LNPEP: variants seen among roughly 807,000 people sequenced by gnomAD.
LNPEP encodes leucyl-cystinyl aminopeptidase.
In LNPEP, 64 loss-of-function variants were observed where a neutral mutation model predicts 120.6. The ratio of observed to expected loss-of-function variants is 0.53; its 90% confidence interval spans 0.43 to 0.65. LNPEP has a LOEUF of 0.65. Ranked by LOEUF, LNPEP falls within the 30% of genes least tolerant of loss-of-function variation. The pLI is 0.00. For missense variants in LNPEP, 1,057 were observed against 1,200.0 expected (o/e 0.88, Z 1.76); for synonymous variants, 435 against 425.4 (o/e 1.02, Z -0.28).
intron 4 of LNPEP, among the ~76,000 whole-genome samples, chr5:96,992,624 ACT>A (rs1790417579): frequency 6.6e-6 from 1 of 152,142 alleles, no homozygotes; most frequent in Admixed American, 6.6e-5. Flanking sequence ...CTTTCAAATA[ACT>A]CTCAATCTTT....
intron 1 of LNPEP, among the ~76,000 whole-genome samples, chr5:96,973,146 A>G (rs960536323): frequency 1.3e-5 from 2 of 152,164 alleles, no homozygotes; most frequent in Non-Finnish European, 2.9e-5. Context: ...TGCCCTTCAG[A>G]TTCTGGTGAG....
At chr5:96,993,725 C>A in intron 5 of LNPEP, 92 bp from the exon 6 acceptor site, 3 of 1,163,756 alleles carry the variant, frequency 2.6e-6, no homozygotes, top group Non-Finnish European at 3.7e-6. Context: ...GAATTCATTG[C>A]TTTCACAGTG....
chr5:96,995,134 T>C (rs1275072162), intron 6 of LNPEP, among the ~76,000 whole-genome samples: 1 of 152,128 alleles, frequency 6.6e-6, no homozygotes, highest in Non-Finnish European at 1.5e-5. Flanking sequence ...ATAGATAAGA[T>C]GTCTTTTGGG....
chr5:96,978,790 C>T, intron 1 of LNPEP, among the ~76,000 whole-genome samples: 1 of 152,144 alleles, frequency 6.6e-6, no homozygotes, highest in Non-Finnish European at 1.5e-5. Context: ...AGAGGAATGC[C>T]AAAACAGTGC....
At chr5:97,005,160 C>G (rs911266585) in intron 9 of LNPEP, among the ~76,000 whole-genome samples, 2 of 152,132 alleles carry the variant, frequency 1.3e-5, no homozygotes, top group Non-Finnish European at 2.9e-5. Context: ...TTTGCTCCAT[C>G]CTTTTGTGCT....
chr5:96,985,659 C>T (rs1267636943), intron 3 of LNPEP, among the ~76,000 whole-genome samples: 1 of 152,014 alleles, frequency 6.6e-6, no homozygotes, highest in Non-Finnish European at 1.5e-5. Context: ...GAACAGGAGC[C>T]TCTTTCTTAG....
chr5:96,994,789 A>G (rs1341791949), intron 6 of LNPEP, among the ~76,000 whole-genome samples: 2 of 152,196 alleles, frequency 1.3e-5, no homozygotes, highest in Admixed American at 1.3e-4. Context: ...ACAAGCTGGC[A>G]TATGAGCACA....
At chr5:97,012,295 C>G (rs1217239259) in intron 11 of LNPEP, among the ~76,000 whole-genome samples, 2 of 152,062 alleles carry the variant, frequency 1.3e-5, no homozygotes, top group African/African-American at 4.8e-5. Context: ...AAAAACTTGG[C>G]AAGAAGTACA....
intron 1 of LNPEP, among the ~76,000 whole-genome samples, chr5:96,962,291 G>A (rs1170587165): frequency 6.6e-6 from 1 of 152,142 alleles, no homozygotes; most frequent in African/African-American, 2.4e-5. Context: ...TCAAAAAAAT[G>A]GTGGGTTTGG....
chr5:97,022,251 G>C, intron 13 of LNPEP, 49 bp from the exon 14 acceptor site: 1 of 1,168,414 alleles, frequency 8.6e-7, no homozygotes, highest in Non-Finnish European at 1.2e-6. Flanking sequence ...TTTTTTTTCT[G>C]ATTGTCCTAA....
At chr5:96,953,792 G>A (rs1028394020) in intron 1 of LNPEP, among the ~76,000 whole-genome samples, 1 of 152,114 alleles carries the variant, frequency 6.6e-6, no homozygotes, top group Non-Finnish European at 1.5e-5. Context: ...CTTAGTTTAT[G>A]TATACTAATT....
chr5:96,976,343 T>C (rs1704526392), intron 1 of LNPEP, among the ~76,000 whole-genome samples: 1 of 152,218 alleles, frequency 6.6e-6, no homozygotes, highest in African/African-American at 2.4e-5. Context: ...GTTGGTATTA[T>C]TCTGACTGGG....
At chr5:96,942,524 C>T (rs1385459222) in intron 1 of LNPEP, among the ~76,000 whole-genome samples, 2 of 151,762 alleles carry the variant, frequency 1.3e-5, no homozygotes, top group Non-Finnish European at 2.9e-5. Flanking sequence ...TATGTTGGCA[C>T]GTGCCTGAAA....
chr5:96,982,977 C>A (rs966191627), intron 2 of LNPEP, among the ~76,000 whole-genome samples: 1 of 144,804 alleles, frequency 6.9e-6, no homozygotes, highest in Non-Finnish European at 1.5e-5. Flanking sequence ...GTATACAAGT[C>A]GTTTTTATTA....
At chr5:97,015,991 C>T (rs17531192) in intron 13 of LNPEP, among the ~76,000 whole-genome samples, 5,689 of 152,072 alleles carry the variant, frequency 0.037, 184 homozygotes, top group Middle Eastern at 0.11. Flanking sequence ...GCCTCTGTTA[C>T]TGCCTTACCC....
Position 97,024,631 on chromosome 5 carries a change from A to T in LNPEP, c.2672A>T (p.Asn891Ile). The T allele has an allele frequency of 6.2e-7, 1 of 1,614,128 alleles. No homozygotes were observed. Among genetic ancestry groups the T allele is most frequent in the Non-Finnish European group, 8.5e-7 (1 of 1,179,962 alleles). The stretch of plus-strand genomic sequence containing the variant: ...TCTATAGGCTCTGAAGCAGAGAAGA[A>T]CAAAATACTAGAAGCACTTGCCAGC... ...YISIGSEAEK[N>I]KILEALASSE... Residue 891 changes from asparagine to isoleucine, a missense_variant, in exon 15 of 18, where the codon AAC (asparagine) becomes ATC (isoleucine). Transcript: ENST00000231368.
chr5:96,968,766 G>A (rs1209666773), intron 1 of LNPEP, among the ~76,000 whole-genome samples: 1 of 152,126 alleles, frequency 6.6e-6, no homozygotes, highest in East Asian at 1.9e-4. Context: ...TGGGATAAGG[G>A]GACAAAGTGA....
Position 97,026,658 on chromosome 5 carries a change from A to G in LNPEP, c.2765A>G (p.Gln922Arg). Residue 922 changes from glutamine to arginine, a missense_variant, in exon 16 of 18, where the codon CAG (glutamine) becomes CGG (arginine). Gln to Arg is a conservative substitution (Grantham distance 43). Transcript: ENST00000231368. ...SSLNGDNFRT[Q>R]KLSFIIRTVG... ...CTGAATGGAGATAACTTCCGAACAC[A>G]GAAGCTGTCTTTTATCATTAGAACA... The G allele has an allele frequency of 6.2e-7, 1 of 1,613,248 alleles. No individual in the cohort carries two copies. Among genetic ancestry groups the G allele is most frequent in the Non-Finnish European group, 8.5e-7 (1 of 1,179,218 alleles).
At chr5:97,007,695 C>CT (rs1203848058) in intron 11 of LNPEP, among the ~76,000 whole-genome samples, 8 of 151,954 alleles carry the variant, frequency 5.3e-5, no homozygotes, top group Non-Finnish European at 1.2e-4. Flanking sequence ...TGTATCTTGC[C>CT]TTTTTTAACT....
Sources: gnomAD v4.1 joint callset for allele counts (sites outside exome capture counted in the v4.1 genomes callset) on GRCh38, gnomAD v4.1.1 for gene constraint, MANE v1.5 for transcripts, NCBI Gene and HGNC (gene_info 2026-07-23, HGNC 2026-07-21) for gene names.